KLF8: variants seen among roughly 807,000 people sequenced by gnomAD.
KLF8 encodes KLF transcription factor 8.
KLF8 carries 10 observed loss-of-function variants against 18.2 expected under a neutral mutation model. That is an observed-to-expected ratio of 0.55 (90% CI 0.34 to 0.93). The LOEUF (loss-of-function observed/expected upper bound fraction) is 0.93, where lower values mean the gene tolerates loss of function less well. KLF8 is among the 40% of genes least tolerant of loss of function. The probability of loss-of-function intolerance (pLI) is 0.02; values close to 1 mark genes in which losing one functional copy is unlikely to be tolerated. For missense variants in KLF8, 264 were observed against 277.9 expected, an observed-to-expected ratio of 0.95 and a Z score of 0.36; for synonymous variants, 109 against 97.3, an observed-to-expected ratio of 1.12 and a Z score of -0.71.
the KLF8 span, among the ~76,000 whole-genome samples, chrX:56,185,105 C>T: frequency 1.0e-3 from 112 of 111,790 alleles, no homozygotes; most frequent in African/African-American, 3.5e-3. Flanking sequence ...AAACCAAAGG[C>T]AAAGAAGTTA....
At chrX:56,103,525 T>A in the KLF8 span, among the ~76,000 whole-genome samples, 3 of 111,463 alleles carry the variant, frequency 2.7e-5, no homozygotes, top group African/African-American at 9.8e-5. Context: ...CTATTATTGG[T>A]GTATAGGAAT....
chrX:55,971,514 G>A, the KLF8 span, among the ~76,000 whole-genome samples: 1,060 of 110,599 alleles, frequency 9.6e-3, 12 homozygotes, highest in African/African-American at 0.033. Context: ...AAGATTTTTT[G>A]AGTAATACCC....
At chrX:56,208,838 T>C in the KLF8 span, among the ~76,000 whole-genome samples, 1 of 112,386 alleles carries the variant, frequency 8.9e-6, no homozygotes, top group Non-Finnish European at 1.9e-5. Flanking sequence ...GATATTATTT[T>C]AATTTTTAAA....
chrX:55,983,282 A>G, the KLF8 span, among the ~76,000 whole-genome samples: 2 of 111,389 alleles, frequency 1.8e-5, no homozygotes, highest in Admixed American at 9.6e-5. Context: ...TTAAAATTCT[A>G]TATATTAAAT....
At chrX:55,996,794 A>G in the KLF8 span, among the ~76,000 whole-genome samples, 76 of 112,004 alleles carry the variant, frequency 6.8e-4, no homozygotes, top group South Asian at 2.6e-3. Context: ...GGGTGTCTGC[A>G]GAAGTTCTTT....
chrX:55,912,158 C>A, the KLF8 span, among the ~76,000 whole-genome samples: 1 of 111,441 alleles, frequency 9.0e-6, no homozygotes, highest in Non-Finnish European at 1.9e-5. Context: ...TCAGGCCCTA[C>A]CCCAGACATA....
chrX:56,160,813 A>G, the KLF8 span, among the ~76,000 whole-genome samples: 1 of 111,440 alleles, frequency 9.0e-6, no homozygotes, highest in Non-Finnish European at 1.9e-5. Flanking sequence ...TCCTGAATAC[A>G]GCACACTGAT....
chrX:56,258,268 TTTGTTG>T (rs759457738), intron 2 of KLF8, among the ~76,000 whole-genome samples: 1 of 111,942 alleles, frequency 8.9e-6, no homozygotes, highest in Non-Finnish European at 1.9e-5. Context: ...CATAGCTACC[TTTGTTG>T]TTGTTGTTGT....
At chrX:55,946,966 T>A in the KLF8 span, among the ~76,000 whole-genome samples, 13 of 111,650 alleles carry the variant, frequency 1.2e-4, no homozygotes, top group African/African-American at 3.9e-4. Flanking sequence ...AGAATGGCGA[T>A]CGTTAAAAAG....
the KLF8 span, among the ~76,000 whole-genome samples, chrX:56,073,785 G>T: frequency 2.1e-5 from 2 of 95,480 alleles, no homozygotes; most frequent in African/African-American, 7.7e-5. Context: ...CACTCTTCTC[G>T]CCCAGTCTTG....
At chrX:55,940,799 T>TA in the KLF8 span, among the ~76,000 whole-genome samples, 2 of 111,256 alleles carry the variant, frequency 1.8e-5, no homozygotes, top group Non-Finnish European at 3.8e-5. Flanking sequence ...ATAAAATACC[T>TA]AGGAATCCAA....
At chrX:55,932,346 T>C in the KLF8 span, among the ~76,000 whole-genome samples, 1 of 111,587 alleles carries the variant, frequency 9.0e-6, no homozygotes, top group Non-Finnish European at 1.9e-5. Flanking sequence ...TGTCTTTTTA[T>C]TGGGACATTT....
At chrX:56,271,423 T>C (rs1005711574) in intron 5 of KLF8, among the ~76,000 whole-genome samples, 4 of 111,942 alleles carry the variant, frequency 3.6e-5, no homozygotes, top group African/African-American at 1.3e-4. Context: ...TTGTCATTTA[T>C]CAATGTGTGC....
the KLF8 span, among the ~76,000 whole-genome samples, chrX:56,171,150 C>A: frequency 9.0e-6 from 1 of 111,609 alleles, no homozygotes; most frequent in Non-Finnish European, 1.9e-5. Context: ...GGTGTCTAAA[C>A]CACTATATCT....
At chrX:56,169,813 T>G in the KLF8 span, among the ~76,000 whole-genome samples, 1 of 111,839 alleles carries the variant, frequency 8.9e-6, no homozygotes, top group Non-Finnish European at 1.9e-5. Flanking sequence ...TGCCATGTTC[T>G]GATTGTAATG....
chrX:56,092,088 T>G, the KLF8 span, among the ~76,000 whole-genome samples: 5 of 109,446 alleles, frequency 4.6e-5, no homozygotes, highest in Non-Finnish European at 7.6e-5. Flanking sequence ...TGATGTTGAG[T>G]TTTTTTTGTT....
the KLF8 span, among the ~76,000 whole-genome samples, chrX:56,041,194 G>A: frequency 1.8e-3 from 194 of 108,705 alleles, no homozygotes; most frequent in African/African-American, 6.1e-3. Flanking sequence ...GCATGATCTC[G>A]GCTCACTGCC....
the KLF8 span, among the ~76,000 whole-genome samples, chrX:56,138,103 A>G: frequency 9.2e-6 from 1 of 108,120 alleles, no homozygotes; most frequent in East Asian, 2.9e-4. Context: ...TATGCACACA[A>G]ACTGGATGAC....
the KLF8 span, among the ~76,000 whole-genome samples, chrX:56,094,738 A>G: frequency 0.13 from 14,153 of 111,085 alleles, 1,621 homozygotes; most frequent in African/African-American, 0.37. Context: ...AAACAGTAAA[A>G]TTATACAAAA....
Sources: gnomAD v4.1 joint callset for allele counts (sites outside exome capture counted in the v4.1 genomes callset) on GRCh38, gnomAD v4.1.1 for gene constraint, MANE v1.5 for transcripts, NCBI Gene and HGNC (gene_info 2026-07-23, HGNC 2026-07-21) for gene names.